GRAMD4: variants seen among roughly 807,000 people sequenced by gnomAD.
The protein encoded by GRAMD4 is GRAM domain-containing protein 4.
GRAMD4 carries 25 observed loss-of-function variants against 83.9 expected under a neutral mutation model. The ratio of observed to expected loss-of-function variants is 0.30; its 90% CI spans 0.22 to 0.42. The LOEUF is 0.42. GRAMD4 is among the 10% of genes least tolerant of loss of function. The probability of loss-of-function intolerance (pLI) is 1.00; values close to 1 mark genes in which losing one functional copy is unlikely to be tolerated. For missense variants in GRAMD4, 593 were observed against 788.7 expected, an observed-to-expected ratio of 0.75 and a Z score of 2.97; for synonymous variants, 336 against 320.9, an observed-to-expected ratio of 1.05 and a Z score of -0.50.
At chr22:46,627,870 C>T (rs1282798382) in intron 2 of GRAMD4, among the ~76,000 whole-genome samples, 1 of 152,244 alleles carries the variant, frequency 6.6e-6, no homozygotes, top group Non-Finnish European at 1.5e-5. Context: ...CGCTTGGCTT[C>T]CTGGGGCATC....
rs986062324 is a variant in GRAMD4 at position 46,679,098 on chromosome 22, C to T, written c.*1847C>T. On this transcript the variant is annotated 3_prime_UTR_variant, in exon 19 of 19. Transcript: ENST00000406902. ...CACAGGGTGGGCACTGACCCACCCC[C>T]AGGGGCGGCTGCAGAGGCAGTGCCC... The T allele has an allele frequency of 1.2e-5, 12 of 985,452 alleles. No individual in the cohort carries two copies. The highest frequency in any genetic ancestry group is 1.4e-5 in the Non-Finnish European group (12 of 829,972). The allele number at this position is 985,452 out of a possible 1,614,324, so 61.0% of individuals were successfully genotyped here. A position where few individuals can be genotyped will look rare whatever the true frequency, so the allele number is the denominator to read the frequency against.
chr22:46,658,485 G>T (rs1465290709), intron 4 of GRAMD4, among the ~76,000 whole-genome samples, 178 bp downstream of exon 4: 1 of 152,068 alleles, frequency 6.6e-6, no homozygotes, highest in Non-Finnish European at 1.5e-5. Context: ...TCCTGCCTGT[G>T]CCTGCATGAG....
intron 2 of GRAMD4, among the ~76,000 whole-genome samples, chr22:46,634,711 C>T (rs138474): frequency 0.19 from 29,088 of 152,108 alleles, 3,623 homozygotes; most frequent in East Asian, 0.55. Flanking sequence ...GAGGCCAAGG[C>T]GGGTGGATCA....
At chr22:46,643,141 T>TGGATCCATCCATCCCTGGA (rs2082005534) in intron 3 of GRAMD4, among the ~76,000 whole-genome samples, 12 of 4,546 alleles carry the variant, frequency 2.6e-3, no homozygotes, top group South Asian at 9.3e-3. Context: ...CCATGCATCC[T>TGGATCCATCCATCCCTGGA]TCCATCCATC....
At chr22:46,658,698 C>T (rs945739880) in intron 4 of GRAMD4, among the ~76,000 whole-genome samples, 14 of 152,020 alleles carry the variant, frequency 9.2e-5, no homozygotes, top group South Asian at 2.1e-4. Context: ...CAGTGCCCCA[C>T]CCCGGGGGCC....
chr22:46,618,948 G>A (rs2081538177), upstream of GRAMD4, among the ~76,000 whole-genome samples: 1 of 152,238 alleles, frequency 6.6e-6, no homozygotes, highest in South Asian at 2.1e-4. This position sits in a 1 kb window ranked among gnomAD's most constrained non-coding sequence, Gnocchi z 5.8. Flanking sequence ...AGATACTGGT[G>A]AGCTGTCCGG....
intron 1 of GRAMD4, among the ~76,000 whole-genome samples, chr22:46,592,586 T>C (rs763460834): frequency 6.6e-6 from 1 of 152,222 alleles, no homozygotes; most frequent in African/African-American, 2.4e-5. Flanking sequence ...CCTGAATGTT[T>C]TCACTGTTCC....
intron 1 of GRAMD4, among the ~76,000 whole-genome samples, chr22:46,613,098 G>A (rs2081433730): frequency 6.6e-6 from 1 of 152,264 alleles, no homozygotes; most frequent in Non-Finnish European, 1.5e-5. Flanking sequence ...TTATGCAGTG[G>A]TGATGTATGG....
chr22:46,602,762 C>T (rs1355731817), intron 1 of GRAMD4, among the ~76,000 whole-genome samples: 29 of 121,438 alleles, frequency 2.4e-4, no homozygotes, highest in East Asian at 7.1e-4. Flanking sequence ...CCATTTTTCT[C>T]TTTTTTTTTT....
intron 2 of GRAMD4, among the ~76,000 whole-genome samples, chr22:46,629,396 G>A (rs758134078): frequency 2.6e-5 from 4 of 152,182 alleles, no homozygotes; most frequent in African/African-American, 2.4e-5. Flanking sequence ...ATTAATGACC[G>A]TGAAATACTG....
Position 46,679,686 on chromosome 22 carries a change from C to G in GRAMD4, c.*2435C>G, listed in dbSNP as rs949848019. 24 of 978,520 alleles carry G rather than the reference C, an allele frequency of 2.5e-5. No individual in the cohort carries two copies. The highest frequency in any genetic ancestry group is 2.8e-5 in the Non-Finnish European group (23 of 823,498). The allele number at this position is 978,520 out of a possible 1,614,324, so 60.6% of individuals were successfully genotyped here. A position where few individuals can be genotyped will look rare whatever the true frequency, so the allele number is the denominator to read the frequency against. On this transcript the variant is annotated 3_prime_UTR_variant, in exon 19 of 19. Transcript: ENST00000406902. ...GTATTAAGAACCGATGAAAAAAATT[C>G]TCCTGTAACATTTTTTTAAGAAAAC... is the stretch of plus-strand genomic sequence containing the variant.
At chr22:46,617,452 C>T (rs1168874912), upstream of GRAMD4, among the ~76,000 whole-genome samples, 1 of 138,202 alleles carries the variant, frequency 7.2e-6, no homozygotes, top group African/African-American at 2.8e-5. Flanking sequence ...TCCCCCCATA[C>T]GTGTAGGTTC....
chr22:46,626,916 G>T lies in GRAMD4; in HGVS notation c.117G>T (p.Lys39Asn). The T allele has an allele frequency of 6.2e-7, 1 of 1,614,180 alleles. No individual in the cohort carries two copies. Among genetic ancestry groups the T allele is most frequent in the Non-Finnish European group, 8.5e-7 (1 of 1,180,004 alleles). Reference protein sequence around the residue: ...DTECSDEIPLKVPRTSPRDSE... With the variant: ...DTECSDEIPLNVPRTSPRDSE... The stretch of plus-strand genomic sequence containing the variant: ...AATGCAGCGACGAAATCCCCCTGAA[G>T]GTACCGCGGACCTCGCCCCGGGACA... Residue 39 changes from lysine (K) to asparagine (N), a missense_variant, in exon 2 of 19, where the codon AAG becomes AAT. Coordinates refer to ENST00000406902, the MANE Select transcript of GRAMD4 (RefSeq NM_015124.5).
intron 3 of GRAMD4, among the ~76,000 whole-genome samples, chr22:46,644,392 G>GGTTACACCTGCCCCTGTTCCAT (rs1439552505): frequency 7.2e-6 from 1 of 138,270 alleles, no homozygotes; most frequent in Admixed American, 7.3e-5. Flanking sequence ...CCCTGTTCCA[G>GGTTACACCTGCCCCTGTTCCAT]GTTACACCTG....
At chr22:46,642,892 TATCCATCC>T (rs751964627) in intron 3 of GRAMD4, among the ~76,000 whole-genome samples, 1 of 151,378 alleles carries the variant, frequency 6.6e-6, no homozygotes, top group Non-Finnish European at 1.5e-5. Context: ...CTTATCTATC[TATCCATCC>T]ATCCATCTAT....
chr22:46,660,695 C>T (rs537738713), intron 4 of GRAMD4, among the ~76,000 whole-genome samples: 11 of 152,280 alleles, frequency 7.2e-5, no homozygotes, highest in African/African-American at 1.7e-4. Flanking sequence ...GCTTCCTGCC[C>T]GCTGCTTACC....
intron 1 of GRAMD4, among the ~76,000 whole-genome samples, chr22:46,610,522 C>T (rs936291023): frequency 3.9e-5 from 6 of 152,254 alleles, no homozygotes; most frequent in South Asian, 2.1e-4. Context: ...GTTCACCGCC[C>T]GGCCTCTCAC....
intron 1 of GRAMD4, chr22:46,577,418 G>GC: frequency 6.9e-5 from 3 of 43,484 alleles, no homozygotes; most frequent in African/African-American, 1.1e-4. Context: ...GCCGCCGCCC[G>GC]GGCCCGAGCC....
chr22:46,624,791 G>A (rs1485476597), intron 1 of GRAMD4, among the ~76,000 whole-genome samples: 1 of 151,886 alleles, frequency 6.6e-6, no homozygotes, highest in Non-Finnish European at 1.5e-5. Context: ...CCCCTCCTGG[G>A]GTCCTCCCAG....
Sources: gnomAD v4.1 joint callset for allele counts (sites outside exome capture counted in the v4.1 genomes callset) on GRCh38, gnomAD v4.1.1 for gene constraint, Gnocchi (gnomAD v3.1) non-coding constraint, MANE v1.5 for transcripts, NCBI Gene and HGNC (gene_info 2026-07-23, HGNC 2026-07-21) for gene names.